The following AKAP19 variants were observed in gnomAD, a reference collection of about 807,000 sequenced individuals.
AKAP19 encodes A-kinase anchoring protein 19.
chr2:190,005,776 C>T, the AKAP19 span, among the ~76,000 whole-genome samples: 1 of 152,178 alleles, frequency 6.6e-6, no homozygotes, highest in Admixed American at 6.6e-5. Flanking sequence ...TGGCAAGCTT[C>T]ATTGAGTATA....
At chr2:190,092,960 C>A in the AKAP19 span, among the ~76,000 whole-genome samples, 6 of 152,084 alleles carry the variant, frequency 3.9e-5, no homozygotes, top group Admixed American at 6.5e-5. Context: ...AGGGAAATAC[C>A]AGAAATACCC....
chr2:189,935,476 A>C, the AKAP19 span, among the ~76,000 whole-genome samples: 5 of 152,074 alleles, frequency 3.3e-5, no homozygotes, highest in Non-Finnish European at 7.4e-5. Flanking sequence ...GACAGAATTA[A>C]ATCAGTGAAA....
At chr2:190,060,709 A>G in the AKAP19 span, among the ~76,000 whole-genome samples, 1 of 152,024 alleles carries the variant, frequency 6.6e-6, no homozygotes, top group African/African-American at 2.4e-5. Flanking sequence ...GGTTCTATGA[A>G]GTAATGAACG....
At chr2:189,969,197 G>C in the AKAP19 span, among the ~76,000 whole-genome samples, 1 of 152,116 alleles carries the variant, frequency 6.6e-6, no homozygotes, top group African/African-American at 2.4e-5. Flanking sequence ...AGTATTAAGA[G>C]TAGGTCCTTT....
At chr2:190,059,471 A>G in the AKAP19 span, among the ~76,000 whole-genome samples, 2 of 151,972 alleles carry the variant, frequency 1.3e-5, no homozygotes, top group Non-Finnish European at 2.9e-5. Flanking sequence ...AGTATTCCAC[A>G]AAGAAATATA....
chr2:190,190,508 T>C, the AKAP19 span, among the ~76,000 whole-genome samples: 8 of 152,250 alleles, frequency 5.3e-5, no homozygotes, highest in Non-Finnish European at 1.0e-4. Flanking sequence ...AAAGAGGCTA[T>C]GGATATTGGT....
At chr2:190,108,232 T>G in the AKAP19 span, among the ~76,000 whole-genome samples, 1 of 152,216 alleles carries the variant, frequency 6.6e-6, no homozygotes, top group South Asian at 2.1e-4. Flanking sequence ...CTTGGCCCAC[T>G]GCAACCTCCA....
At chr2:190,156,900 G>A in the AKAP19 span, among the ~76,000 whole-genome samples, 1 of 152,108 alleles carries the variant, frequency 6.6e-6, no homozygotes, top group Non-Finnish European at 1.5e-5. Flanking sequence ...CTATCCCATG[G>A]AAATAAAATC....
At chr2:190,190,837 C>T in the AKAP19 span, among the ~76,000 whole-genome samples, 6 of 151,982 alleles carry the variant, frequency 3.9e-5, no homozygotes, top group Non-Finnish European at 7.4e-5. Flanking sequence ...TGAATTTTAA[C>T]GCATGTTTAG....
At chr2:190,173,908 G>A in the AKAP19 span, among the ~76,000 whole-genome samples, 1,930 of 152,086 alleles carry the variant, frequency 0.013, 34 homozygotes, top group African/African-American at 0.043. Context: ...TGTTCTTTAC[G>A]TCTTCTTGCC....
chr2:190,005,179 T>A, the AKAP19 span, among the ~76,000 whole-genome samples: 1 of 152,258 alleles, frequency 6.6e-6, no homozygotes, highest in East Asian at 1.9e-4. Context: ...GCAGCAAGAT[T>A]TATTGTGAAG....
chr2:190,014,840 C>T, the AKAP19 span, among the ~76,000 whole-genome samples: 2 of 152,176 alleles, frequency 1.3e-5, no homozygotes, highest in Admixed American at 6.5e-5. Flanking sequence ...GGGCTACAGG[C>T]CCCCATGCAA....
the AKAP19 span, among the ~76,000 whole-genome samples, chr2:189,936,259 T>TACACACACAC: frequency 2.7e-5 from 4 of 149,044 alleles, no homozygotes; most frequent in South Asian, 4.3e-4. Context: ...GACTTGTTGA[T>TACACACACAC]ACACACACAC....
the AKAP19 span, chr2:189,930,890 C>A: frequency 1.4e-6 from 1 of 719,494 alleles, no homozygotes; most frequent in South Asian, 1.5e-5. Context: ...GGAACCTGTT[C>A]CTGATATGGC....
chr2:189,963,866 C>T, the AKAP19 span, among the ~76,000 whole-genome samples: 2 of 151,778 alleles, frequency 1.3e-5, no homozygotes, highest in Non-Finnish European at 2.9e-5. Context: ...CAGGATCAAA[C>T]AATTTTCCCA....
the AKAP19 span, among the ~76,000 whole-genome samples, chr2:190,073,718 T>C: frequency 1.1e-4 from 17 of 152,204 alleles, no homozygotes; most frequent in South Asian, 3.3e-3. Context: ...AGTGTTTCTT[T>C]ACCCTGGTTG....
chr2:190,145,039 C>A, the AKAP19 span, among the ~76,000 whole-genome samples: 2 of 152,166 alleles, frequency 1.3e-5, no homozygotes, highest in Admixed American at 1.3e-4. Context: ...CATCCCAGCA[C>A]TTTGAGAGGC....
chr2:190,147,082 A>G, the AKAP19 span, among the ~76,000 whole-genome samples: 1 of 152,328 alleles, frequency 6.6e-6, no homozygotes, highest in East Asian at 1.9e-4. Flanking sequence ...GCCTAAGCCA[A>G]TGTCTAGAAG....
chr2:190,117,031 G>A, the AKAP19 span, among the ~76,000 whole-genome samples: 1 of 152,196 alleles, frequency 6.6e-6, no homozygotes, highest in East Asian at 1.9e-4. Flanking sequence ...GTATGACTTT[G>A]AATGAGTTAC....
Sources: allele counts gnomAD v4.1 joint callset (sites outside exome capture counted in the v4.1 genomes callset), GRCh38; gene constraint gnomAD v4.1.1; transcripts MANE v1.5; gene names NCBI Gene and HGNC (gene_info 2026-07-23, HGNC 2026-07-21).